SLC2A13: variants seen among roughly 807,000 people sequenced by gnomAD.
The protein encoded by SLC2A13 is solute carrier family 2 member 13, also known as proton myo-inositol cotransporter.
SLC2A13 carries 32 observed loss-of-function variants against 64.4 expected under a neutral mutation model. The observed-to-expected ratio is 0.50, with a 90% CI of 0.37 to 0.67. The LOEUF is 0.67. SLC2A13 is among the 30% of genes least tolerant of loss of function. The pLI, the probability that SLC2A13 is intolerant of heterozygous loss-of-function variation, is 0.00. For missense variants in SLC2A13, 743 were observed against 829.2 expected (o/e 0.90, Z 1.28); for synonymous variants, 338 against 327.1 (o/e 1.03, Z -0.36).
intron 7 of SLC2A13, among the ~76,000 whole-genome samples, chr12:39,787,670 T>G: frequency 6.6e-6 from 1 of 152,190 alleles, no homozygotes; most frequent in East Asian, 1.9e-4. Flanking sequence ...CATTATCTTT[T>G]GTAACATTAG....
intron 4 of SLC2A13, among the ~76,000 whole-genome samples, chr12:39,945,913 G>C (rs1045272978): frequency 6.6e-6 from 1 of 151,786 alleles, no homozygotes; most frequent in African/African-American, 2.4e-5. Context: ...ATTTTTTGTG[G>C]GGGGGTGTTG....
chr12:39,843,124 G>T (rs1223572416), intron 6 of SLC2A13, among the ~76,000 whole-genome samples: 1 of 151,786 alleles, frequency 6.6e-6, no homozygotes, highest in African/African-American at 2.4e-5. Flanking sequence ...CAGTTCTCTT[G>T]GGTATATGCC....
intron 2 of SLC2A13, among the ~76,000 whole-genome samples, chr12:40,045,326 C>T (rs1430558432): frequency 6.6e-6 from 1 of 150,914 alleles, no homozygotes; most frequent in African/African-American, 2.4e-5. Flanking sequence ...ATATTTAGAC[C>T]CACATTTTCC....
At chr12:40,049,101 T>C (rs1196989172) in intron 1 of SLC2A13, among the ~76,000 whole-genome samples, 3 of 152,134 alleles carry the variant, frequency 2.0e-5, no homozygotes, top group African/African-American at 7.2e-5. Flanking sequence ...TGTCTGATTA[T>C]TTAGCCTATT....
intron 6 of SLC2A13, among the ~76,000 whole-genome samples, chr12:39,844,714 G>T (rs1943262700): frequency 6.6e-6 from 1 of 152,080 alleles, no homozygotes; most frequent in African/African-American, 2.4e-5. Context: ...AAAGAAGCAA[G>T]TGGGGTCTCT....
At chr12:39,948,875 T>C (rs1946183326) in intron 4 of SLC2A13, among the ~76,000 whole-genome samples, 1 of 152,104 alleles carries the variant, frequency 6.6e-6, no homozygotes, top group Admixed American at 6.5e-5. Context: ...ATAAAAGGCA[T>C]AATTAAAATT....
At chr12:40,030,093 A>G (rs1463272265) in intron 2 of SLC2A13, among the ~76,000 whole-genome samples, 1 of 152,242 alleles carries the variant, frequency 6.6e-6, no homozygotes, top group Non-Finnish European at 1.5e-5. Context: ...TAAACTTTCT[A>G]CATTAACTAA....
chr12:39,935,984 G>A (rs1436210294), intron 4 of SLC2A13, among the ~76,000 whole-genome samples: 1 of 152,190 alleles, frequency 6.6e-6, no homozygotes, highest in Admixed American at 6.5e-5. Flanking sequence ...CCCTTGCGTA[G>A]GGCAGTGGTT....
chr12:39,813,478 T>G (rs1336036333), intron 7 of SLC2A13, among the ~76,000 whole-genome samples: 1 of 152,210 alleles, frequency 6.6e-6, no homozygotes, highest in Non-Finnish European at 1.5e-5. Flanking sequence ...TCAGATACCA[T>G]ATTTCATCTG....
At chr12:40,002,025 A>AT (rs1947328683) in intron 3 of SLC2A13, among the ~76,000 whole-genome samples, 1 of 152,226 alleles carries the variant, frequency 6.6e-6, no homozygotes, top group Admixed American at 6.5e-5. Context: ...TACCGCACAC[A>AT]TTTTCACTAG....
intron 3 of SLC2A13, among the ~76,000 whole-genome samples, chr12:40,011,000 A>C (rs1181727565): frequency 1.3e-5 from 2 of 152,106 alleles, no homozygotes; most frequent in Admixed American, 1.3e-4. Context: ...ATCTCGTGCA[A>C]ATGTTAAGTT....
chr12:40,022,942 T>C (rs1401450253), intron 3 of SLC2A13, among the ~76,000 whole-genome samples: 1 of 152,232 alleles, frequency 6.6e-6, no homozygotes, highest in Non-Finnish European at 1.5e-5. Flanking sequence ...ATGACCATTT[T>C]TAAGTTCCTT....
chr12:39,818,247 A>C (rs1360812412), intron 7 of SLC2A13, among the ~76,000 whole-genome samples: 4 of 152,046 alleles, frequency 2.6e-5, no homozygotes, highest in Non-Finnish European at 5.9e-5. Flanking sequence ...TGAGGAGTTG[A>C]TTTTTGAAAC....
chr12:40,075,855 A>C (rs1938151580), intron 1 of SLC2A13, among the ~76,000 whole-genome samples: 1 of 151,548 alleles, frequency 6.6e-6, no homozygotes, highest in Non-Finnish European at 1.5e-5. Context: ...TCTTAAGTTC[A>C]CTCACTTTTT....
chr12:39,765,606 C>T (rs1220822620), intron 7 of SLC2A13, among the ~76,000 whole-genome samples: 3 of 152,046 alleles, frequency 2.0e-5, no homozygotes, highest in East Asian at 3.9e-4. Flanking sequence ...CCTATTGTTA[C>T]CATATTTATG....
chr12:39,853,702 C>A (rs1220387635), intron 6 of SLC2A13, among the ~76,000 whole-genome samples: 1 of 151,612 alleles, frequency 6.6e-6, no homozygotes, highest in Non-Finnish European at 1.5e-5. Flanking sequence ...TTCCACTTTG[C>A]CAGTATCTGG....
intron 1 of SLC2A13, among the ~76,000 whole-genome samples, chr12:40,094,497 G>T (rs1459002707): frequency 6.6e-6 from 1 of 152,164 alleles, no homozygotes; most frequent in Non-Finnish European, 1.5e-5. Context: ...AAAGAAAATG[G>T]CCCATAAAGA....
chr12:39,759,841 G>C lies in SLC2A13; in HGVS notation c.*185C>G. The C allele has an allele frequency of 5.4e-6, 3 of 557,882 alleles. No homozygotes were observed. The highest frequency in any genetic ancestry group is 9.5e-6 in the Non-Finnish European group (3 of 316,738). 34.6% of individuals were successfully genotyped at this position (557,882 alleles called of 1,614,324 possible). A position where few individuals can be genotyped will look rare whatever the true frequency, so the allele number is the denominator to read the frequency against. The stretch of plus-strand genomic sequence containing the variant: ...CTCTGTAAATATTTTTTAAAATATT[G>C]TTCCTTGTGGAAAAAAAAAGTCATC... On this transcript the variant is annotated 3_prime_UTR_variant, in exon 10 of 10. Coordinates refer to ENST00000280871, the MANE Select transcript of SLC2A13 (RefSeq NM_052885.4).
At chr12:39,918,950 A>G (rs1266338424) in intron 4 of SLC2A13, among the ~76,000 whole-genome samples, 1 of 151,536 alleles carries the variant, frequency 6.6e-6, no homozygotes, top group African/African-American at 2.4e-5. Context: ...ACACACACAC[A>G]CACACACGTG....
Sources: gnomAD v4.1 joint callset for allele counts (sites outside exome capture counted in the v4.1 genomes callset) on GRCh38, gnomAD v4.1.1 for gene constraint, MANE v1.5 for transcripts, NCBI Gene and HGNC (gene_info 2026-07-23, HGNC 2026-07-21) for gene names.